GSTA4: variants seen among roughly 807,000 people sequenced by gnomAD.
GSTA4 encodes glutathione S-transferase A4.
A neutral mutation model predicts 24.4 loss-of-function variants in GSTA4; 15 were observed. The observed-to-expected ratio is 0.61, with a 90% CI of 0.41 to 0.95. The LOEUF is 0.95. GSTA4 is among the 40% of genes least tolerant of loss of function. The probability of loss-of-function intolerance (pLI) is 0.00; values close to 1 mark genes in which losing one functional copy is unlikely to be tolerated. For synonymous variants in GSTA4, 92 were observed against 94.2 expected, an observed-to-expected ratio of 0.98 and a Z score of 0.13; for missense variants, 244 against 262.1, an observed-to-expected ratio of 0.93 and a Z score of 0.48.
At chr6:52,984,332 A>G in intron 5 of GSTA4, 132 bp downstream of exon 5, 1 of 764,102 alleles carries the variant, frequency 1.3e-6, no homozygotes, top group Non-Finnish European at 2.1e-6. Flanking sequence ...CGCTCTTAGG[A>G]GTCCATTAGC....
Position 52,987,409 on chromosome 6 carries a change from CT to C in GSTA4, c.88-2del. The C allele has an allele frequency of 1.3e-6, 2 of 1,547,346 alleles. No individual in the cohort carries two copies. Among genetic ancestry groups the C allele is most frequent in the Non-Finnish European group, 1.8e-6 (2 of 1,122,514 alleles). On this transcript the variant is annotated splice_acceptor_variant, in intron 2 of 6. Transcript: ENST00000370963. LOFTEE classifies it high-confidence loss of function. ...TTGTTTCCAGAAATTCTTCATCAAA[CT>C]AAATTTTTAAAAAAGAAACGTATAT...
At chr6:52,984,005 C>T (rs1000600490) in intron 5 of GSTA4, among the ~76,000 whole-genome samples, 2 of 152,076 alleles carry the variant, frequency 1.3e-5, no homozygotes, top group African/African-American at 4.8e-5. Context: ...AGAAAAACAA[C>T]AAAACCAAAA....
Position 52,994,190 on chromosome 6 carries a change from G to C in GSTA4, c.54C>G (p.Ser18=). ...CGGCGGCAGCTAAAACCCATCTCAC[G>C]GACTCCATCCGGCCTCTTCCGTTGG... ...HYPNGRGRME[S]VRWVLAAAGV... Residue 18 remains serine, a synonymous_variant, in exon 2 of 7, where the codon TCC becomes TCG. Transcript: ENST00000370963. The C allele has an allele frequency of 1.9e-6, 3 of 1,613,328 alleles. No homozygotes were observed. Among genetic ancestry groups the C allele is most frequent in the Middle Eastern group, 1.7e-4 (1 of 6,060 alleles).
intron 3 of GSTA4, 104 bp downstream of exon 3, chr6:52,987,253 G>T: frequency 1.3e-6 from 1 of 747,272 alleles, no homozygotes. Flanking sequence ...TTAGGATACT[G>T]TTCTGAATGT....
intron 2 of GSTA4, among the ~76,000 whole-genome samples, chr6:52,991,279 T>C (rs1018616137): frequency 3.3e-5 from 5 of 152,198 alleles, no homozygotes; most frequent in African/African-American, 9.6e-5. Flanking sequence ...ATTGAAAGAA[T>C]TGCCATTTTG....
At chr6:52,993,103 A>G (rs1454564815) in intron 2 of GSTA4, among the ~76,000 whole-genome samples, 1 of 152,214 alleles carries the variant, frequency 6.6e-6, no homozygotes, top group East Asian at 1.9e-4. Flanking sequence ...CCTCCGTCAA[A>G]AAAAAACCCA....
chr6:52,989,998 C>T (rs1199986158), intron 2 of GSTA4, among the ~76,000 whole-genome samples: 3 of 151,626 alleles, frequency 2.0e-5, no homozygotes, highest in African/African-American at 7.2e-5. Context: ...GCTCAAGCCA[C>T]CACATTTAGC....
chr6:52,994,226 C>T lies in GSTA4; in HGVS notation c.18G>A (p.Lys6=). MAARP[K]LHYPNGRGRM... ...GGCCTCTTCCGTTGGGATAGTGGAG[C>T]TTGGGCCTTGCTGCCATGATAGCTT... Residue 6 remains lysine (K), a synonymous_variant, in exon 2 of 7, where the codon AAG becomes AAA. Transcript: ENST00000370963. The T allele has an allele frequency of 6.2e-7, 1 of 1,612,906 alleles. No homozygotes were observed. The highest frequency in any genetic ancestry group is 8.5e-7 in the Non-Finnish European group (1 of 1,178,904).
At chr6:52,984,441 A>C (rs532073012) in intron 5 of GSTA4, 23 bp downstream of exon 5, 1 of 1,607,064 alleles carries the variant, frequency 6.2e-7, no homozygotes, top group South Asian at 1.1e-5. Flanking sequence ...TGCTCTGTGT[A>C]TGTAGGCATC....
chr6:52,987,278 T>C, intron 3 of GSTA4, 79 bp downstream of exon 3: 1 of 849,306 alleles, frequency 1.2e-6, no homozygotes, highest in Non-Finnish European at 2.0e-6. Flanking sequence ...TGTCATTGAA[T>C]ACTTTTGCCC....
At chr6:52,994,915 C>G (rs950095793) in intron 1 of GSTA4, among the ~76,000 whole-genome samples, 1 of 152,196 alleles carries the variant, frequency 6.6e-6, no homozygotes, top group Non-Finnish European at 1.5e-5. Context: ...TCGTCTTCCC[C>G]GCTCAGCCCA....
chr6:52,989,352 C>T (rs763842692), intron 2 of GSTA4, among the ~76,000 whole-genome samples: 1 of 152,156 alleles, frequency 6.6e-6, no homozygotes, highest in Non-Finnish European at 1.5e-5. Flanking sequence ...TGCAGACTCG[C>T]CTGAAATTCT....
intron 3 of GSTA4, among the ~76,000 whole-genome samples, chr6:52,985,964 T>C (rs753169296): frequency 6.6e-6 from 1 of 152,014 alleles, no homozygotes; most frequent in Non-Finnish European, 1.5e-5. Context: ...GACAGGAGAA[T>C]TGCTTGAACC....
chr6:52,986,773 C>T (rs1438007052), intron 3 of GSTA4, among the ~76,000 whole-genome samples: 1 of 152,164 alleles, frequency 6.6e-6, no homozygotes, highest in African/African-American at 2.4e-5. Flanking sequence ...GGCCTGAGGA[C>T]CCTGCTGTTG....
chr6:52,987,290 T>A, intron 3 of GSTA4, 67 bp downstream of exon 3: 2 of 987,486 alleles, frequency 2.0e-6, no homozygotes, highest in Non-Finnish European at 3.2e-6. Flanking sequence ...CTTTTGCCCT[T>A]CCACATAAAC....
At chr6:52,987,335 G>A (rs751744586) in intron 3 of GSTA4, 22 bp downstream of exon 3, 1 of 1,491,672 alleles carries the variant, frequency 6.7e-7, no homozygotes, top group Admixed American at 1.8e-5. Flanking sequence ...ATTAGAGGCA[G>A]TTGTTTCATT....
At chr6:52,978,777 C>T (rs979224355) in intron 6 of GSTA4, among the ~76,000 whole-genome samples, 185 bp from the exon 7 acceptor site, 7 of 151,800 alleles carry the variant, frequency 4.6e-5, no homozygotes, top group African/African-American at 7.3e-5. Context: ...CTGGGCCACA[C>T]ATAAAATACA....
At chr6:52,984,334 T>C in intron 5 of GSTA4, 130 bp downstream of exon 5, 1 of 781,966 alleles carries the variant, frequency 1.3e-6, no homozygotes, top group Non-Finnish European at 2.1e-6. Context: ...CTCTTAGGAG[T>C]CCATTAGCGC....
At chr6:52,982,479 C>CAT in intron 6 of GSTA4, 95 bp downstream of exon 6, 1 of 795,130 alleles carries the variant, frequency 1.3e-6, no homozygotes, top group Non-Finnish European at 2.0e-6. Flanking sequence ...TACACATACA[C>CAT]ACACACACAC....
Sources: gnomAD v4.1 joint callset for allele counts (sites outside exome capture counted in the v4.1 genomes callset) on GRCh38, gnomAD v4.1.1 for gene constraint, MANE v1.5 for transcripts, NCBI Gene and HGNC (gene_info 2026-07-23, HGNC 2026-07-21) for gene names.